Variants in EYA4 observed in about 807,000 individuals in gnomAD.
EYA4 encodes the protein EYA transcriptional coactivator and phosphatase 4, also known as protein phosphatase EYA4.
EYA4 carries 31 observed loss-of-function variants against 87.9 expected under a neutral mutation model. The ratio of observed to expected loss-of-function variants is 0.35; its 90% CI spans 0.27 to 0.48. EYA4 has a LOEUF of 0.48. Among genes scored for constraint, EYA4 ranks in the 20% least tolerant of loss-of-function variants. The probability of loss-of-function intolerance (pLI) is 0.99; values close to 1 mark genes in which losing one functional copy is unlikely to be tolerated. For synonymous variants in EYA4, 263 were observed against 270.6 expected, an observed-to-expected ratio of 0.97 and a Z score of 0.28; for missense variants, 678 against 761.4, an observed-to-expected ratio of 0.89 and a Z score of 1.29.
chr6:133,396,030 T>C (rs554358669), intron 3 of EYA4, among the ~76,000 whole-genome samples: 1 of 152,222 alleles, frequency 6.6e-6, no homozygotes, highest in Non-Finnish European at 1.5e-5. Flanking sequence ...CTTTTCTCCC[T>C]TCCCCTTCTT....
intron 5 of EYA4, among the ~76,000 whole-genome samples, chr6:133,449,200 T>C (rs1242689805): frequency 2.0e-5 from 3 of 152,232 alleles, no homozygotes; most frequent in Admixed American, 2.0e-4. Context: ...GTGTTTCAGC[T>C]GCTCAGCTCT....
At chr6:133,327,646 C>G (rs1347629915) in intron 2 of EYA4, among the ~76,000 whole-genome samples, 1 of 152,068 alleles carries the variant, frequency 6.6e-6, no homozygotes, top group Non-Finnish European at 1.5e-5. Flanking sequence ...TGTCTTTTAC[C>G]ATCCTAGAGT....
intron 13 of EYA4, among the ~76,000 whole-genome samples, chr6:133,483,964 T>G (rs1460704079): frequency 1.3e-5 from 2 of 152,064 alleles, no homozygotes; most frequent in East Asian, 3.9e-4. Flanking sequence ...CCTCAAGTGA[T>G]CTGCCTGCCC....
intron 2 of EYA4, among the ~76,000 whole-genome samples, chr6:133,307,160 C>T (rs1416184740): frequency 4.6e-5 from 7 of 152,214 alleles, no homozygotes; most frequent in Non-Finnish European, 7.3e-5. Flanking sequence ...CCTCCTAGCA[C>T]GTTTCTGCAT....
chr6:133,351,339 T>C (rs1783624623), intron 2 of EYA4, among the ~76,000 whole-genome samples: 1 of 152,202 alleles, frequency 6.6e-6, no homozygotes, highest in African/African-American at 2.4e-5. Flanking sequence ...TTACAGCTTA[T>C]TAATTGGCCC....
intron 18 of EYA4, among the ~76,000 whole-genome samples, chr6:133,523,599 T>G (rs1272119437): frequency 1.3e-5 from 2 of 152,086 alleles, no homozygotes; most frequent in African/African-American, 4.8e-5. Flanking sequence ...AGAAAAAAAT[T>G]AAGAGTTTTA....
At chr6:133,406,546 G>C (rs1005205171) in intron 3 of EYA4, among the ~76,000 whole-genome samples, 5 of 152,214 alleles carry the variant, frequency 3.3e-5, no homozygotes, top group African/African-American at 4.8e-5. Context: ...TATATATTTT[G>C]TGAATTCTCT....
intron 2 of EYA4, among the ~76,000 whole-genome samples, chr6:133,301,219 A>G (rs1240387042): frequency 1.3e-5 from 2 of 152,252 alleles, no homozygotes; most frequent in Non-Finnish European, 2.9e-5. Flanking sequence ...TTAAACATGT[A>G]AACTATTCAT....
At chr6:133,359,235 T>C (rs1163462772) in intron 2 of EYA4, among the ~76,000 whole-genome samples, 1 of 152,160 alleles carries the variant, frequency 6.6e-6, no homozygotes, top group African/African-American at 2.4e-5. Context: ...TTGCCCAAGG[T>C]CACCCTGCTG....
chr6:133,423,525 T>A (rs367688517), intron 3 of EYA4, among the ~76,000 whole-genome samples: 6 of 152,374 alleles, frequency 3.9e-5, no homozygotes. Flanking sequence ...TGTTTAAAGT[T>A]ATAATTCATT....
At chr6:133,410,583 C>CTTT (rs1583205243) in intron 3 of EYA4, among the ~76,000 whole-genome samples, 2 of 149,370 alleles carry the variant, frequency 1.3e-5, no homozygotes, top group East Asian at 3.9e-4. Flanking sequence ...AAGAGCTCCT[C>CTTT]CTAACCAAAA....
chr6:133,316,558 A>G (rs147557862), intron 2 of EYA4, among the ~76,000 whole-genome samples: 100 of 152,312 alleles, frequency 6.6e-4, no homozygotes, highest in African/African-American at 1.9e-3. Flanking sequence ...ATTGACTTCA[A>G]CCTACCAATT....
intron 2 of EYA4, among the ~76,000 whole-genome samples, chr6:133,316,397 T>C (rs1289825525): frequency 6.6e-6 from 1 of 152,174 alleles, no homozygotes; most frequent in Non-Finnish European, 1.5e-5. Flanking sequence ...AATCAGCTAC[T>C]TAAATAGGTT....
intron 5 of EYA4, among the ~76,000 whole-genome samples, chr6:133,454,637 G>A (rs1212513613): frequency 6.6e-6 from 1 of 152,130 alleles, no homozygotes; most frequent in African/African-American, 2.4e-5. Flanking sequence ...GAAGTGCCTG[G>A]AATGTATCAA....
intron 7 of EYA4, among the ~76,000 whole-genome samples, 175 bp downstream of exon 7, chr6:133,461,355 C>T (rs1794366772): frequency 6.6e-6 from 1 of 151,986 alleles, no homozygotes; most frequent in Non-Finnish European, 1.5e-5. Flanking sequence ...TTATGTATAC[C>T]TTGAGAAAAA....
At chr6:133,282,952 T>TA (rs772936413) in intron 2 of EYA4, among the ~76,000 whole-genome samples, 87 of 152,298 alleles carry the variant, frequency 5.7e-4, no homozygotes, top group Non-Finnish European at 9.8e-4. Context: ...TGTCTGAACT[T>TA]ACAATTTACA....
At chr6:133,462,598 T>G (rs1441285927) in intron 8 of EYA4, 23 bp from the exon 9 acceptor site, 1 of 1,613,630 alleles carries the variant, frequency 6.2e-7, no homozygotes, top group East Asian at 2.2e-5. Flanking sequence ...TTAAATGGTT[T>G]ACACATTCAA....
At chr6:133,428,272 A>G (rs1192901777) in intron 3 of EYA4, among the ~76,000 whole-genome samples, 1 of 152,180 alleles carries the variant, frequency 6.6e-6, no homozygotes, top group Non-Finnish European at 1.5e-5. Context: ...ATAGTTGTTG[A>G]AAACATAAAT....
intron 13 of EYA4, among the ~76,000 whole-genome samples, chr6:133,487,157 G>C (rs990532542): frequency 6.6e-6 from 1 of 152,180 alleles, no homozygotes; most frequent in Non-Finnish European, 1.5e-5. Flanking sequence ...GCAACACTGG[G>C]TAGAACTTAG....
Sources: allele counts gnomAD v4.1 joint callset (sites outside exome capture counted in the v4.1 genomes callset), GRCh38; gene constraint gnomAD v4.1.1; transcripts MANE v1.5; gene names NCBI Gene and HGNC (gene_info 2026-07-23, HGNC 2026-07-21).